Variants in MMRN1 observed in about 807,000 individuals in gnomAD.
The protein encoded by MMRN1 is multimerin-1.
Under a neutral mutation model 100.7 loss-of-function variants are expected in MMRN1, and 94 were observed. The ratio of observed to expected loss-of-function variants is 0.93; its 90% CI spans 0.79 to 1.11. MMRN1 has a LOEUF of 1.11. MMRN1 is among the 50% of genes least tolerant of loss of function. MMRN1 has a pLI of 0.00. For missense variants in MMRN1, 1,606 were observed against 1,439.1 expected, an observed-to-expected ratio of 1.12 and a Z score of -1.88; for synonymous variants, 575 against 505.0, an observed-to-expected ratio of 1.14 and a Z score of -1.86.
At chr4:89,946,171 A>G (rs897047139) in intron 6 of MMRN1, among the ~76,000 whole-genome samples, 4 of 152,222 alleles carry the variant, frequency 2.6e-5, no homozygotes, top group African/African-American at 9.6e-5. Context: ...ATGGAAATGA[A>G]AACATTTTAC....
intron 6 of MMRN1, among the ~76,000 whole-genome samples, chr4:89,941,485 G>T (rs922680082): frequency 1.3e-5 from 2 of 152,062 alleles, no homozygotes; most frequent in Non-Finnish European, 2.9e-5. Flanking sequence ...CATTAATTCT[G>T]CCCATACAAG....
At chr4:89,886,484 G>T (rs79849850) in intron 1 of MMRN1, among the ~76,000 whole-genome samples, 2,960 of 152,128 alleles carry the variant, frequency 0.019, 86 homozygotes, top group African/African-American at 0.068. Context: ...TATCAATGAG[G>T]GTTCCATGTA....
intron 3 of MMRN1, among the ~76,000 whole-genome samples, chr4:89,912,980 A>G (rs1369906836): frequency 6.6e-6 from 1 of 151,250 alleles, no homozygotes; most frequent in Non-Finnish European, 1.5e-5. Flanking sequence ...GATGTTATAA[A>G]AATTCAATTT....
At chr4:89,913,907 A>C (rs1043894070) in intron 3 of MMRN1, among the ~76,000 whole-genome samples, 1 of 151,406 alleles carries the variant, frequency 6.6e-6, no homozygotes, top group Non-Finnish European at 1.5e-5. Context: ...ATATTGTGTC[A>C]TATTGTCATA....
chr4:89,937,727 A>G (rs1226578358), intron 6 of MMRN1, among the ~76,000 whole-genome samples: 4 of 152,086 alleles, frequency 2.6e-5, no homozygotes, highest in Non-Finnish European at 5.9e-5. Context: ...CGATCTGTTC[A>G]CAGCCTTAAT....
intron 1 of MMRN1, among the ~76,000 whole-genome samples, chr4:89,906,730 A>G (rs1721575586): frequency 6.6e-6 from 1 of 151,436 alleles, no homozygotes; most frequent in Non-Finnish European, 1.5e-5. Flanking sequence ...AGCTTATTTC[A>G]TTGGTAGCAT....
chr4:89,928,378 A>G (rs1317770680), intron 5 of MMRN1, among the ~76,000 whole-genome samples: 1 of 152,162 alleles, frequency 6.6e-6, no homozygotes, highest in Non-Finnish European at 1.5e-5. Context: ...TCTGAAGTGC[A>G]TTATTATCCC....
chr4:89,888,821 C>G (rs762176187), intron 1 of MMRN1, among the ~76,000 whole-genome samples: 2 of 151,996 alleles, frequency 1.3e-5, no homozygotes, highest in Non-Finnish European at 2.9e-5. Flanking sequence ...CTGAAATTCC[C>G]GTTCTGTTCA....
intron 4 of MMRN1, among the ~76,000 whole-genome samples, chr4:89,925,962 G>GT (rs1429225045): frequency 5.9e-5 from 9 of 151,924 alleles, no homozygotes; most frequent in African/African-American, 1.9e-4. Flanking sequence ...TTGTTGCTTT[G>GT]TTTTTTATGG....
upstream of MMRN1, chr4:89,894,753 A>G: frequency 3.2e-6 from 2 of 630,748 alleles, no homozygotes; most frequent in Non-Finnish European, 4.9e-6. Flanking sequence ...GCACTTCCAT[A>G]GAGCCATCCC....
intron 3 of MMRN1, among the ~76,000 whole-genome samples, chr4:89,916,440 C>T (rs1721922521): frequency 6.6e-6 from 1 of 150,872 alleles, no homozygotes; most frequent in Non-Finnish European, 1.5e-5. Context: ...TATGAACATG[C>T]ATGTGCCCAC....
intron 6 of MMRN1, among the ~76,000 whole-genome samples, chr4:89,944,642 T>C (rs1448027739): frequency 3.3e-5 from 5 of 152,052 alleles, no homozygotes; most frequent in South Asian, 2.1e-4. Context: ...ACGGCTATAA[T>C]CATCTAGATA....
chr4:89,886,611 T>C (rs1366572505), intron 1 of MMRN1, among the ~76,000 whole-genome samples: 1 of 152,168 alleles, frequency 6.6e-6, no homozygotes, highest in African/African-American at 2.4e-5. Flanking sequence ...TGAATATCTG[T>C]CTACTAAAGG....
chr4:89,923,120 G>T (rs1578485139), intron 3 of MMRN1, 48 bp from the exon 4 acceptor site: 1 of 1,446,772 alleles, frequency 6.9e-7, no homozygotes, highest in Non-Finnish European at 9.7e-7. Flanking sequence ...AAAAAATGAG[G>T]CTGTCCCAGT....
intron 6 of MMRN1, among the ~76,000 whole-genome samples, chr4:89,937,532 A>G (rs886409218): frequency 3.3e-5 from 5 of 152,032 alleles, no homozygotes; most frequent in African/African-American, 1.2e-4. Context: ...GATTTGAGGA[A>G]CATCAAATCT....
chr4:89,881,062 C>A (rs920961950), intron 1 of MMRN1, among the ~76,000 whole-genome samples: 1 of 152,088 alleles, frequency 6.6e-6, no homozygotes, highest in African/African-American at 2.4e-5. Context: ...TTGTTGGCTC[C>A]TTTAATGCAA....
In MMRN1 at chr4:89,895,141, C is replaced by T; in HGVS notation, c.170C>T (p.Thr57Ile). The part of the protein sequence containing the change: ...NKIQSLQILP[T>I]TRVMSAEIAT... ...ATACAAAGTTTGCAAATACTGCCAACCACTCGGGTCATGTCGGCGGAGATA... is the reference window on the plus strand; with the variant it reads ...ATACAAAGTTTGCAAATACTGCCAATCACTCGGGTCATGTCGGCGGAGATA... The change falls in exon 1 of 8, where the codon ACC (threonine) becomes ATC (isoleucine). Residue 57 changes from threonine (T) to isoleucine (I), a missense_variant. Thr to Ile is a moderately conservative substitution (Grantham distance 89, BLOSUM62 -1). Transcript: ENST00000264790. 6.2e-7 allele frequency: 1 copy of T among 1,613,856 alleles called. No individual in the cohort carries two copies. The highest frequency in any genetic ancestry group is 8.5e-7 in the Non-Finnish European group (1 of 1,179,918).
chr4:89,885,558 T>C (rs1431226088), intron 1 of MMRN1, among the ~76,000 whole-genome samples: 4 of 152,128 alleles, frequency 2.6e-5, no homozygotes, highest in African/African-American at 7.2e-5. Flanking sequence ...TCTGGAGCTT[T>C]ACTTGTGTGA....
chr4:89,923,599 T>C (rs1722157924), intron 4 of MMRN1, among the ~76,000 whole-genome samples: 1 of 152,218 alleles, frequency 6.6e-6, no homozygotes, highest in South Asian at 2.1e-4. Flanking sequence ...TGGAAGACCC[T>C]TGACATGGAA....
Sources: gnomAD v4.1 joint callset for allele counts (sites outside exome capture counted in the v4.1 genomes callset) on GRCh38, gnomAD v4.1.1 for gene constraint, MANE v1.5 for transcripts, NCBI Gene and HGNC (gene_info 2026-07-23, HGNC 2026-07-21) for gene names.